The following CDH1 variants were observed in gnomAD, a reference collection of about 807,000 sequenced individuals.
CDH1 encodes cadherin 1, also known as cadherin-1.
In CDH1, 35 loss-of-function variants were observed where a neutral mutation model predicts 84.5. The ratio of observed to expected loss-of-function variants is 0.41; its 90% confidence interval spans 0.32 to 0.55. The LOEUF (loss-of-function observed/expected upper bound fraction) is 0.55, where lower values mean the gene tolerates loss of function less well. CDH1 is among the 20% of genes least tolerant of loss of function. The probability of loss-of-function intolerance (pLI) is 0.19; values close to 1 mark genes in which losing one functional copy is unlikely to be tolerated. For synonymous variants in CDH1, 417 were observed against 439.0 expected (o/e 0.95, Z 0.63); for missense variants, 994 against 1,126.6 (o/e 0.88, Z 1.68).
chr16:68,752,933 G>T (rs1311455259), intron 2 of CDH1, among the ~76,000 whole-genome samples: 1 of 152,236 alleles, frequency 6.6e-6, no homozygotes, highest in Non-Finnish European at 1.5e-5. Context: ...TGCCCCCTGG[G>T]TATCTCAGCA....
chr16:68,802,009 T>A, intron 3 of CDH1, 116 bp downstream of exon 3: 1 of 852,486 alleles, frequency 1.2e-6, no homozygotes, highest in Admixed American at 2.0e-5. Flanking sequence ...TTGTAGGGGT[T>A]GTCCTGTGCA....
intron 12 of CDH1, chr16:68,822,486 C>A (rs2152138778): frequency 1.7e-6 from 1 of 571,752 alleles, no homozygotes; most frequent in Non-Finnish European, 3.2e-6. Context: ...CCTCCACTCC[C>A]CTCTCCACTT....
intron 2 of CDH1, among the ~76,000 whole-genome samples, chr16:68,788,703 A>G (rs1960131287): frequency 6.6e-6 from 1 of 152,148 alleles, no homozygotes; most frequent in Non-Finnish European, 1.5e-5. Context: ...AATGTGAAAT[A>G]AGAAGAAAGT....
At chr16:68,803,510 G>T (rs1409638677) in intron 3 of CDH1, among the ~76,000 whole-genome samples, 1 of 152,112 alleles carries the variant, frequency 6.6e-6, no homozygotes, top group East Asian at 1.9e-4. Flanking sequence ...CAATTCTTCT[G>T]CCTCAGCCTC....
rs587782796 is a variant in CDH1 at position 68,815,629 on chromosome 16, G to T, written c.1435G>T (p.Asp479Tyr). 1 of 1,614,214 alleles carries T rather than the reference G, an allele frequency of 6.2e-7. No individual in the cohort carries two copies. Among genetic ancestry groups the T allele is most frequent in the Non-Finnish European group, 8.5e-7 (1 of 1,180,038 alleles). ...STATVTVDVL[D>Y]VNEAPIFVPP... Reference sequence around the variant, plus strand: ...AGCCACCGTCACCGTGGATGTGCTGGATGTGAATGAAGCCCCCATCTTTGT... The same window carrying T: ...AGCCACCGTCACCGTGGATGTGCTGTATGTGAATGAAGCCCCCATCTTTGT... Residue 479 changes from aspartate to tyrosine, a missense_variant, in exon 10 of 16, where the codon GAT becomes TAT. By Grantham distance (160) the Asp-to-Tyr change is radical. This residue lies in a region of CDH1 where 769 missense variants were observed against 881.8 expected (regional missense o/e 0.87). Coordinates refer to ENST00000261769, the MANE Select transcript of CDH1 (RefSeq NM_004360.5).
At chr16:68,783,867 G>A (rs752381725) in intron 2 of CDH1, among the ~76,000 whole-genome samples, 5 of 151,924 alleles carry the variant, frequency 3.3e-5, no homozygotes, top group Non-Finnish European at 7.4e-5. Flanking sequence ...AGTAGAGATG[G>A]AGTTTCACCA....
intron 3 of CDH1, among the ~76,000 whole-genome samples, chr16:68,806,990 G>C (rs1383097671): frequency 6.6e-6 from 1 of 152,166 alleles, no homozygotes; most frequent in Admixed American, 6.5e-5. Flanking sequence ...ACTCAAACTT[G>C]GCAAGCAGTG....
At chr16:68,797,385 C>T (rs902660472) in intron 2 of CDH1, among the ~76,000 whole-genome samples, 1 of 151,886 alleles carries the variant, frequency 6.6e-6, no homozygotes, top group Non-Finnish European at 1.5e-5. Flanking sequence ...AACCCTTTCT[C>T]AAAAAATTAA....
At chr16:68,809,104 A>G in intron 5 of CDH1, 1 of 516,394 alleles carries the variant, frequency 1.9e-6, no homozygotes, top group South Asian at 2.0e-5. Flanking sequence ...TAGACCCAAG[A>G]TGTCAACCTG....
At chr16:68,792,751 T>C in intron 2 of CDH1, among the ~76,000 whole-genome samples, 1 of 152,210 alleles carries the variant, frequency 6.6e-6, no homozygotes. Context: ...TTTAGCCTTG[T>C]TTCTCCCACT....
intron 2 of CDH1, among the ~76,000 whole-genome samples, chr16:68,780,525 A>C (rs1482392368): frequency 1.3e-5 from 2 of 152,136 alleles, no homozygotes; most frequent in Non-Finnish European, 1.5e-5. Flanking sequence ...GCTGATTTCA[A>C]GTGATCTACC....
chr16:68,815,005 C>T (rs1960944948), intron 9 of CDH1, among the ~76,000 whole-genome samples: 1 of 151,344 alleles, frequency 6.6e-6, no homozygotes, highest in South Asian at 2.1e-4. Context: ...GCGGGTGGAT[C>T]ACCTGAGGTC....
At chr16:68,739,396 G>A (rs1377111373) in intron 2 of CDH1, among the ~76,000 whole-genome samples, 3 of 151,978 alleles carry the variant, frequency 2.0e-5, no homozygotes, top group Admixed American at 6.6e-5. Context: ...CAACCTGGGT[G>A]ACAGAGCAAG....
rs530457606 is a variant in CDH1, at chr16:68,817,315, T to C, written c.1565+1556T>C. Among the ~76,000 whole-genome samples the C allele has an allele frequency of 1.6e-4, 25 of 152,340 alleles. No individual in the cohort carries two copies. In the South Asian group the frequency reaches 2.5e-3, roughly 15 times the overall value. ...TCATGACAGGAGAGGAGGTGGCATG[T>C]TGCCACCATTTAGGAACTACTGTAT... On this transcript the variant is annotated intron_variant, in intron 10 of 15. Coordinates refer to ENST00000261769, the MANE Select transcript of CDH1 (RefSeq NM_004360.5).
At chr16:68,770,256 C>T (rs1959525605) in intron 2 of CDH1, among the ~76,000 whole-genome samples, 1 of 152,106 alleles carries the variant, frequency 6.6e-6, no homozygotes, top group Non-Finnish European at 1.5e-5. Context: ...CCTGACTGGG[C>T]CTGTCTTCCA....
intron 2 of CDH1, among the ~76,000 whole-genome samples, chr16:68,762,145 G>A (rs1011501511): frequency 3.3e-5 from 5 of 152,156 alleles, no homozygotes; most frequent in African/African-American, 9.7e-5. Flanking sequence ...TTCCAATGGC[G>A]CTGCTGGCTC....
intron 2 of CDH1, among the ~76,000 whole-genome samples, chr16:68,767,650 T>C (rs1959429865): frequency 6.6e-6 from 1 of 152,240 alleles, no homozygotes; most frequent in African/African-American, 2.4e-5. Context: ...TTGTTATTGT[T>C]GTTTGTTTGT....
intron 12 of CDH1, 50 bp downstream of exon 12, chr16:68,822,275 C>G (rs1596964081): frequency 8.0e-7 from 1 of 1,242,584 alleles, no homozygotes; most frequent in Middle Eastern, 2.2e-4. Context: ...TGCCATGCTT[C>G]CCTTCCCCCA....
intron 2 of CDH1, among the ~76,000 whole-genome samples, chr16:68,739,873 C>T (rs1962512328): frequency 6.6e-6 from 1 of 151,416 alleles, no homozygotes; most frequent in Non-Finnish European, 1.5e-5. Context: ...CCTCAATCTC[C>T]CAAAGTGCTG....
Sources: allele counts gnomAD v4.1 joint callset (sites outside exome capture counted in the v4.1 genomes callset), GRCh38; gene constraint gnomAD v4.1.1; regional missense constraint gnomAD v4.1.1; transcripts MANE v1.5; gene names NCBI Gene and HGNC (gene_info 2026-07-23, HGNC 2026-07-21).